The following ANP32A variants were observed in gnomAD, a reference collection of about 807,000 sequenced individuals.
ANP32A encodes the protein acidic nuclear phosphoprotein 32 family member A.
ANP32A carries 1 observed loss-of-function variant against 33.9 expected under a neutral mutation model. The ratio of observed to expected loss-of-function variants is 0.03; its 90% CI spans 0.01 to 0.14. ANP32A has a LOEUF of 0.14. Ranked by LOEUF, ANP32A falls within the 10% of genes least tolerant of loss-of-function variation. ANP32A has a pLI of 1.00. For missense variants in ANP32A, 155 were observed against 306.0 expected, an observed-to-expected ratio of 0.51 and a Z score of 3.68; for synonymous variants, 115 against 120.5, an observed-to-expected ratio of 0.95 and a Z score of 0.30.
At chr15:68,811,277 G>A (rs967830610) in intron 1 of ANP32A, among the ~76,000 whole-genome samples, 2 of 152,040 alleles carry the variant, frequency 1.3e-5, no homozygotes, top group African/African-American at 2.4e-5. Flanking sequence ...AGCGCAACAC[G>A]GGATCAATTA....
chr15:68,816,571 T>C (rs796185185), intron 1 of ANP32A, among the ~76,000 whole-genome samples: 15 of 152,308 alleles, frequency 9.8e-5, no homozygotes, highest in African/African-American at 2.2e-4. Context: ...CACCCTGATA[T>C]GTCTCCGAGA....
chr15:68,780,429 TTCC>T lies in ANP32A; in HGVS notation c.666_668del (p.Glu223del). The T allele has an allele frequency of 6.2e-7, 1 of 1,614,036 alleles. No individual in the cohort carries two copies. The highest frequency in any genetic ancestry group is 8.5e-7 in the Non-Finnish European group (1 of 1,179,908). ...CCATACCACCAAGCTCTTCTTCATC[TTCC>T]TCGTCATCTACCTCTCCATCGTTAT... On this transcript the variant is annotated inframe_deletion, in exon 6 of 7. Coordinates refer to ENST00000465139, the MANE Select transcript of ANP32A (RefSeq NM_006305.4). This position sits in a 1 kb window ranked among gnomAD's most constrained non-coding sequence, Gnocchi z 4.3.
At chr15:68,814,750 T>C (rs1429146799) in intron 1 of ANP32A, among the ~76,000 whole-genome samples, 1 of 152,092 alleles carries the variant, frequency 6.6e-6, no homozygotes, top group East Asian at 1.9e-4. Flanking sequence ...GAAACACGCA[T>C]GGTAGAAAAG....
chr15:68,807,434 G>GGT (rs1555424033), intron 1 of ANP32A, among the ~76,000 whole-genome samples: 12 of 147,410 alleles, frequency 8.1e-5, no homozygotes, highest in African/African-American at 4.9e-5. Flanking sequence ...AAACGGGGGG[G>GGT]GGGGAGTCTC....
chr15:68,819,327 G>T (rs561522198), intron 1 of ANP32A, among the ~76,000 whole-genome samples: 3 of 152,334 alleles, frequency 2.0e-5, no homozygotes, highest in African/African-American at 7.2e-5. Context: ...AAAACACTCA[G>T]GTTTGAAAGC....
At chr15:68,787,301 T>C (rs1893944949) in intron 3 of ANP32A, 112 bp downstream of exon 3, 3 of 1,461,712 alleles carry the variant, frequency 2.1e-6, no homozygotes, top group African/African-American at 1.4e-5. Context: ...TAGCACATCA[T>C]GAGAGTCAAA....
chr15:68,820,121 G>A (rs1364241129), intron 1 of ANP32A, among the ~76,000 whole-genome samples: 1 of 152,054 alleles, frequency 6.6e-6, no homozygotes, highest in Non-Finnish European at 1.5e-5. Context: ...TCTCCCCGGG[G>A]GCCTCGGCCC....
rs541467373 is a variant in ANP32A at position 68,784,670 on chromosome 15, C to T, written c.328-75G>A. 1.0e-4 allele frequency: 156 copies of T among 1,528,836 alleles called. 2 individuals are homozygous for T. In the South Asian group the frequency reaches 1.5e-3, roughly 15 times the overall value. 94.7% of individuals were successfully genotyped at this position (1,528,836 alleles called of 1,614,324 possible). On this transcript the variant is annotated intron_variant, in intron 3 of 6. Transcript: ENST00000465139. ...TGGAGGAACAGCCCTAGCAAACAGG[C>T]AAGGATGCCATGAGATAGCATGCGC...
chr15:68,803,798 C>CA, intron 1 of ANP32A, among the ~76,000 whole-genome samples: 1 of 101,154 alleles, frequency 9.9e-6, no homozygotes, highest in African/African-American at 3.8e-5. Context: ...ATTTCACAAA[C>CA]TTTTTTTTTT....
At position 68,780,202 on chromosome 15, in the gene ANP32A, C is replaced by A; in HGVS notation, c.689-60G>T. On this transcript the variant is annotated intron_variant, in intron 6 of 6. Coordinates refer to ENST00000465139, the MANE Select transcript of ANP32A (RefSeq NM_006305.4). The surrounding 1 kb of genome is among the most constrained non-coding windows in gnomAD (Gnocchi z 4.3). ...ATTAATCCCACCTCTTTAACTCAACCCACCCAGTGAGAAGTCAGGGGACCC... is the reference window on the plus strand; with the variant it reads ...ATTAATCCCACCTCTTTAACTCAACACACCCAGTGAGAAGTCAGGGGACCC... 1 of 1,602,854 alleles carries A rather than the reference C, an allele frequency of 6.2e-7. No individual in the cohort carries two copies. Among genetic ancestry groups the A allele is most frequent in the Non-Finnish European group, 8.5e-7 (1 of 1,173,170 alleles).
chr15:68,812,036 G>GT (rs386364568), intron 1 of ANP32A, among the ~76,000 whole-genome samples: 2 of 3,590 alleles, frequency 5.6e-4, no homozygotes, highest in African/African-American at 6.3e-4. Flanking sequence ...GCCCTAAGTT[G>GT]TTTTTTTTTT....
rs142996488 is a variant in ANP32A, at chr15:68,802,674, C to T, written c.55-14755G>A. 3.9e-4 allele frequency among the ~76,000 whole-genome samples: 60 copies of T among 152,264 alleles called. 2 individuals carry two copies. In the East Asian group the frequency reaches 0.01, roughly 26 times the overall value. Reference sequence around the variant, plus strand: ...TATTATCTTATTTATTTATTTGAGACGGAATTTTGTTCTTCTCGCCCAGGC... The same window carrying T: ...TATTATCTTATTTATTTATTTGAGATGGAATTTTGTTCTTCTCGCCCAGGC... On this transcript the variant is annotated intron_variant, in intron 1 of 6. Coordinates refer to ENST00000465139, the MANE Select transcript of ANP32A (RefSeq NM_006305.4).
chr15:68,787,829 T>C lies in ANP32A; in HGVS notation c.145A>G (p.Thr49Ala). 1 of 1,614,214 alleles carries C rather than the reference T, an allele frequency of 6.2e-7. No individual in the cohort carries two copies. Among genetic ancestry groups the C allele is most frequent in the Non-Finnish European group, 8.5e-7 (1 of 1,180,036 alleles). ...ATTGAGGTGAGGCCTACGTTGATTG[T>C]ACTTAAGAATTCCAGTTCTTCAAAT... The part of the protein sequence containing the change: ...DEFEELEFLS[T>A]INVGLTSIAN... Residue 49 changes from threonine to alanine, a missense_variant, in exon 2 of 7, where the codon ACA becomes GCA. By Grantham distance (58) the Thr-to-Ala change is moderately conservative (BLOSUM62 0). Coordinates refer to ENST00000465139, the MANE Select transcript of ANP32A (RefSeq NM_006305.4).
intron 1 of ANP32A, among the ~76,000 whole-genome samples, chr15:68,794,913 A>G (rs1467174163): frequency 6.6e-6 from 1 of 152,162 alleles, no homozygotes; most frequent in African/African-American, 2.4e-5. Context: ...AAAACTTAAC[A>G]CTTGCAATTA....
intron 1 of ANP32A, among the ~76,000 whole-genome samples, chr15:68,796,600 A>T (rs1894067561): frequency 6.6e-6 from 1 of 152,186 alleles, no homozygotes; most frequent in East Asian, 1.9e-4. Context: ...TGGAGGACTG[A>T]AGAGGTAGGC....
At chr15:68,820,460 C>A (rs932871646) in intron 1 of ANP32A, among the ~76,000 whole-genome samples, 2 of 152,144 alleles carry the variant, frequency 1.3e-5, no homozygotes, top group Non-Finnish European at 2.9e-5. Flanking sequence ...CACACTCGCA[C>A]ACGCGGGAGC....
intron 1 of ANP32A, among the ~76,000 whole-genome samples, chr15:68,818,525 G>C (rs1051181095): frequency 6.6e-6 from 1 of 152,032 alleles, no homozygotes; most frequent in African/African-American, 2.4e-5. Context: ...CCCGCCTCCA[G>C]GCAGGGGGCA....
At chr15:68,807,920 A>G (rs1894258748) in intron 1 of ANP32A, among the ~76,000 whole-genome samples, 1 of 152,164 alleles carries the variant, frequency 6.6e-6, no homozygotes, top group Non-Finnish European at 1.5e-5. Context: ...TTGATCGGTA[A>G]TGCCCACTTG....
chr15:68,819,464 G>C (rs560124557), intron 1 of ANP32A, among the ~76,000 whole-genome samples: 42 of 152,272 alleles, frequency 2.8e-4, no homozygotes, highest in African/African-American at 9.4e-4. Flanking sequence ...CCGTGCTCCC[G>C]CCGCTGCCCA....
Sources: gnomAD v4.1 joint callset for allele counts (sites outside exome capture counted in the v4.1 genomes callset) on GRCh38, gnomAD v4.1.1 for gene constraint, Gnocchi (gnomAD v3.1) non-coding constraint, MANE v1.5 for transcripts, NCBI Gene and HGNC (gene_info 2026-07-23, HGNC 2026-07-21) for gene names.